The following ASAP1 variants were observed in gnomAD, a reference collection of about 807,000 sequenced individuals.
The protein encoded by ASAP1 is arf-GAP with SH3 domain, ANK repeat and PH domain-containing protein 1.
A neutral mutation model predicts 145.2 loss-of-function variants in ASAP1; 43 were observed. That is an observed-to-expected ratio of 0.30 (90% confidence interval 0.23 to 0.38). The LOEUF is 0.38. Ranked by LOEUF, ASAP1 falls within the 10% of genes least tolerant of loss-of-function variation. ASAP1 has a pLI of 1.00. For missense variants in ASAP1, 1,018 were observed against 1,355.3 expected (o/e 0.75, Z 3.91); for synonymous variants, 546 against 515.5 (o/e 1.06, Z -0.80).
At chr8:130,365,748 A>G (rs1038475723) in intron 2 of ASAP1, among the ~76,000 whole-genome samples, 9 of 152,134 alleles carry the variant, frequency 5.9e-5, no homozygotes, top group African/African-American at 2.2e-4. Flanking sequence ...GAGGGTTTCT[A>G]TTTGCTATTA....
chr8:130,343,771 T>C (rs367602758), intron 3 of ASAP1, among the ~76,000 whole-genome samples: 5 of 152,220 alleles, frequency 3.3e-5, no homozygotes, highest in African/African-American at 9.6e-5. Context: ...AAACACACAA[T>C]TGGGAGCAAC....
chr8:130,362,386 C>A (rs1241409792), intron 2 of ASAP1, among the ~76,000 whole-genome samples: 1 of 152,226 alleles, frequency 6.6e-6, no homozygotes, highest in Non-Finnish European at 1.5e-5. Context: ...GAAGGGAACA[C>A]ACTTTTTATT....
intron 12 of ASAP1, among the ~76,000 whole-genome samples, chr8:130,153,021 T>C (rs1035559440): frequency 6.6e-6 from 1 of 151,948 alleles, no homozygotes; most frequent in Non-Finnish European, 1.5e-5. Flanking sequence ...GCACTGCTTT[T>C]TAATTTTTTT....
Position 130,118,209 on chromosome 8 carries a change from G to C in ASAP1, c.1832C>G (p.Thr611Ser). 6.2e-7 allele frequency: 1 copy of C among 1,614,016 alleles called. No individual in the cohort carries two copies. Among genetic ancestry groups the C allele is most frequent in the Non-Finnish European group, 8.5e-7 (1 of 1,179,908 alleles). The change falls in exon 20 of 30, where the codon ACT (threonine) becomes AGT (serine). Residue 611 changes from threonine (T) to serine (S), a missense_variant. Coordinates refer to ENST00000518721, the MANE Select transcript of ASAP1 (RefSeq NM_018482.4). ...GETALHLAVRTADQTSLHLVD... is the reference protein window; with the variant it reads ...GETALHLAVRSADQTSLHLVD... ...CAAATGGAGAGATGTCTGATCTGCA[G>C]TTCGGACGGCAAGGTGAAGGGCTGT...
intron 3 of ASAP1, among the ~76,000 whole-genome samples, chr8:130,341,968 A>G (rs1400946864): frequency 6.6e-6 from 1 of 152,214 alleles, no homozygotes; most frequent in Non-Finnish European, 1.5e-5. Flanking sequence ...CAGGATCTCC[A>G]TGCCCAACAC....
In ASAP1 at chr8:130,235,319, T is replaced by C. The variant is rs569908592; in HGVS notation, c.259+1603A>G. ...CTTTAAATATATTTTTATTGGTATATAATATACATACCTACAGAAAAGTAC... is the reference window on the plus strand; with the variant it reads ...CTTTAAATATATTTTTATTGGTATACAATATACATACCTACAGAAAAGTAC... On this transcript the variant is annotated intron_variant, in intron 4 of 29. Transcript: ENST00000518721. 1.5e-3 allele frequency among the ~76,000 whole-genome samples: 236 copies of C among 152,260 alleles called. 1 individual carries two copies. The highest frequency in any genetic ancestry group is 5.5e-3 in the African/African-American group (228 of 41,560).
chr8:130,288,874 G>T (rs761531146), intron 3 of ASAP1, among the ~76,000 whole-genome samples: 1 of 152,208 alleles, frequency 6.6e-6, no homozygotes. Flanking sequence ...GAATGAAACT[G>T]TGTATAACCA....
intron 1 of ASAP1, among the ~76,000 whole-genome samples, chr8:130,407,995 G>A (rs1829108832): frequency 6.6e-6 from 1 of 152,104 alleles, no homozygotes; most frequent in Non-Finnish European, 1.5e-5. Context: ...GAAAATCAGG[G>A]ACCTAAAGAA....
chr8:130,430,327 A>G (rs1034596998), intron 1 of ASAP1, among the ~76,000 whole-genome samples: 1 of 152,214 alleles, frequency 6.6e-6, no homozygotes, highest in Non-Finnish European at 1.5e-5. Context: ...GTTTGTACGT[A>G]CGTATGTGTT....
At chr8:130,428,448 T>C (rs1312875292) in intron 1 of ASAP1, among the ~76,000 whole-genome samples, 1 of 141,366 alleles carries the variant, frequency 7.1e-6, no homozygotes, top group Non-Finnish European at 1.6e-5. Flanking sequence ...ACCACCACCA[T>C]CATTATCACC....
intron 5 of ASAP1, among the ~76,000 whole-genome samples, chr8:130,204,018 T>C (rs1328967467): frequency 2.6e-5 from 4 of 152,168 alleles, no homozygotes; most frequent in East Asian, 3.9e-4. Flanking sequence ...TACAGCATAC[T>C]CTAGAGCACG....
At chr8:130,154,513 G>C (rs2097653950) in intron 12 of ASAP1, among the ~76,000 whole-genome samples, 1 of 152,176 alleles carries the variant, frequency 6.6e-6, no homozygotes, top group African/African-American at 2.4e-5. Flanking sequence ...GATTCCCTAG[G>C]CTGGAAGTAA....
intron 2 of ASAP1, among the ~76,000 whole-genome samples, chr8:130,396,538 CGCA>C (rs889054603): frequency 1.3e-5 from 2 of 152,234 alleles, no homozygotes; most frequent in African/African-American, 4.8e-5. Context: ...AAAGGATTTT[CGCA>C]GCAGAACTTG....
At chr8:130,410,718 G>A (rs1325833088) in intron 1 of ASAP1, among the ~76,000 whole-genome samples, 2 of 152,244 alleles carry the variant, frequency 1.3e-5, no homozygotes, top group Non-Finnish European at 2.9e-5. Context: ...CCCTCATGCT[G>A]CAGCCCAGGG....
intron 27 of ASAP1, among the ~76,000 whole-genome samples, chr8:130,067,650 T>C (rs1304100079): frequency 6.6e-6 from 1 of 152,192 alleles, no homozygotes; most frequent in Admixed American, 6.5e-5. Flanking sequence ...ATCCTCCAGC[T>C]TGGGCCTCCC....
chr8:130,125,574 T>A (rs1425836259), intron 17 of ASAP1, among the ~76,000 whole-genome samples: 1 of 152,154 alleles, frequency 6.6e-6, no homozygotes, highest in African/African-American at 2.4e-5. Flanking sequence ...TAAAAAAAAA[T>A]TGAGATAAAC....
chr8:130,070,151 C>G (rs1430733168), intron 27 of ASAP1, among the ~76,000 whole-genome samples: 1 of 152,194 alleles, frequency 6.6e-6, no homozygotes, highest in South Asian at 2.1e-4. Context: ...ATTCTCCTGC[C>G]TCAGCCTCCT....
At chr8:130,404,536 G>T (rs551489895) in intron 1 of ASAP1, among the ~76,000 whole-genome samples, 26 of 152,168 alleles carry the variant, frequency 1.7e-4, no homozygotes, top group African/African-American at 5.3e-4. Flanking sequence ...TGAAAAATAA[G>T]TATCTGTTAC....
At chr8:130,083,659 C>G (rs1380670244) in intron 25 of ASAP1, 1 of 152,216 alleles carries the variant, frequency 6.6e-6, no homozygotes, top group Non-Finnish European at 1.5e-5. Flanking sequence ...TGCTAGACCA[C>G]AGGAAGCCTG....
Sources: allele counts gnomAD v4.1 joint callset (sites outside exome capture counted in the v4.1 genomes callset), GRCh38; gene constraint gnomAD v4.1.1; transcripts MANE v1.5; gene names NCBI Gene and HGNC (gene_info 2026-07-23, HGNC 2026-07-21).